The following MAD1L1 variants were observed in gnomAD, a reference collection of about 807,000 sequenced individuals.
The protein encoded by MAD1L1 is mitotic arrest deficient 1 like 1.
MAD1L1 carries 95 observed loss-of-function variants against 96.9 expected under a neutral mutation model. The ratio of observed to expected loss-of-function variants is 0.98; its 90% confidence interval spans 0.83 to 1.16. The LOEUF is 1.16. MAD1L1 is among the 50% of genes most tolerant of loss of function. The pLI is 0.00. For synonymous variants in MAD1L1, 473 were observed against 396.6 expected, an observed-to-expected ratio of 1.19 and a Z score of -2.29; for missense variants, 1,007 against 954.4, an observed-to-expected ratio of 1.06 and a Z score of -0.73.
Position 2,024,131 on chromosome 7 carries a change from G to A in MAD1L1, c.1219-9489C>T, listed in dbSNP as rs536903045. 3.3e-5 allele frequency among the ~76,000 whole-genome samples: 5 copies of A among 150,446 alleles called. 1 individual carries two copies. The South Asian group carries it at 8.4e-4, about 25-fold the overall frequency. On this transcript the variant is annotated intron_variant, in intron 12 of 18. Coordinates refer to ENST00000265854, the MANE Select transcript of MAD1L1 (RefSeq NM_001013836.2). The stretch of plus-strand genomic sequence containing the variant: ...ATTAAAAAAAAAAAATAAAAAAAAG[G>A]AAGACACAAATTACTAACATCAGAA...
chr7:2,072,418 C>T (rs2128531796), intron 11 of MAD1L1, among the ~76,000 whole-genome samples: 1 of 152,352 alleles, frequency 6.6e-6, no homozygotes, highest in Middle Eastern at 3.4e-3. Context: ...CCAGCGGCCC[C>T]CCTGCCCCCT....
At chr7:1,902,690 G>A (rs1388205689) in intron 17 of MAD1L1, among the ~76,000 whole-genome samples, 1 of 152,158 alleles carries the variant, frequency 6.6e-6, no homozygotes. Context: ...ACCGTCTCAG[G>A]CTCCAGCCTC....
rs546797436 is a variant in MAD1L1, at chr7:2,146,137, C to T, written c.1073+3015G>A. ...AGCCAAGCTCCTGAAAACAGGCACA[C>T]GAATGACCCAGCCGTCACTTCAGAA... On this transcript the variant is annotated intron_variant, in intron 11 of 18. Transcript: ENST00000265854. This position sits in a 1 kb window ranked among gnomAD's most constrained non-coding sequence, Gnocchi z 6.2. Among the ~76,000 whole-genome samples, 6 of 152,204 alleles carry T rather than the reference C, an allele frequency of 3.9e-5. No homozygotes were observed. Among genetic ancestry groups the T allele is most frequent in the South Asian group, 2.1e-4 (1 of 4,832 alleles).
intron 18 of MAD1L1, among the ~76,000 whole-genome samples, chr7:1,877,172 G>A (rs1003376025): frequency 6.6e-6 from 1 of 152,032 alleles, no homozygotes; most frequent in Non-Finnish European, 1.5e-5. Flanking sequence ...GACTGACATA[G>A]AGCTGGGGTC....
rs147935613 is a variant in MAD1L1 at position 1,824,061 on chromosome 7, G to C, written c.1999-7833C>G. ...ATGGGGTGTCCTGCAGCTGGGTCCTGACCGGGGGCTGCTCCCTCTCCTGGG... is the reference window on the plus strand; with the variant it reads ...ATGGGGTGTCCTGCAGCTGGGTCCTCACCGGGGGCTGCTCCCTCTCCTGGG... On this transcript the variant is annotated intron_variant, in intron 18 of 18. Transcript: ENST00000265854. 6.9e-3 allele frequency among the ~76,000 whole-genome samples: 1,050 copies of C among 152,290 alleles called. 9 individuals carry two copies. The highest frequency in any genetic ancestry group is 0.011 in the Non-Finnish European group (723 of 68,024).
At chr7:2,232,002 G>A (rs1194331139) in intron 1 of MAD1L1, among the ~76,000 whole-genome samples, 1 of 152,154 alleles carries the variant, frequency 6.6e-6, no homozygotes, top group Non-Finnish European at 1.5e-5. Flanking sequence ...ACAGATTCTA[G>A]AGATGATGAA....
Position 2,002,068 on chromosome 7 carries a change from G to C in MAD1L1, c.1413C>G (p.Asp471Glu). 6.2e-7 allele frequency: 1 copy of C among 1,613,282 alleles called. No homozygotes were observed. Among genetic ancestry groups the C allele is most frequent in the African/African-American group, 1.3e-5 (1 of 75,064 alleles). The part of the protein sequence containing the change: ...EELGGQKQRA[D>E]MLEMELKMLK... ...GCCACTCCCGCGTCTGACTCACCAT[G>C]TCTGCTCTTTGTTTCTGGCCTCCCA... is the stretch of plus-strand genomic sequence containing the variant. Residue 471 changes from aspartate to glutamate, a missense_variant, in exon 14 of 19, where the codon GAC (aspartate) becomes GAG (glutamate). By Grantham distance (45) the Asp-to-Glu change is conservative (BLOSUM62 2). Transcript: ENST00000265854.
chr7:2,188,995 C>T (rs890946582), intron 10 of MAD1L1, among the ~76,000 whole-genome samples: 10 of 151,992 alleles, frequency 6.6e-5, no homozygotes, highest in South Asian at 4.1e-4. Context: ...GAAAATAACG[C>T]GATTCAAGAA....
intron 10 of MAD1L1, among the ~76,000 whole-genome samples, chr7:2,169,497 A>G (rs1051528256): frequency 6.6e-6 from 1 of 152,256 alleles, no homozygotes; most frequent in Non-Finnish European, 1.5e-5. Context: ...CCAAAAAGGC[A>G]TAGGAAAAAA....
At chr7:2,025,914 TTAAGA>T (rs1782977053) in intron 12 of MAD1L1, among the ~76,000 whole-genome samples, 1 of 152,136 alleles carries the variant, frequency 6.6e-6, no homozygotes, top group East Asian at 1.9e-4. Context: ...TATTCTACGA[TTAAGA>T]TGTTTTCATA....
chr7:2,039,706 TTTTG>T (rs1274810046), intron 12 of MAD1L1, among the ~76,000 whole-genome samples: 1 of 152,216 alleles, frequency 6.6e-6, no homozygotes, highest in Non-Finnish European at 1.5e-5. Flanking sequence ...GGTGTGTCTG[TTTTG>T]TTTTTCTATT....
chr7:2,105,340 G>A (rs1787032655), intron 11 of MAD1L1, among the ~76,000 whole-genome samples: 1 of 151,920 alleles, frequency 6.6e-6, no homozygotes, highest in Non-Finnish European at 1.5e-5. Flanking sequence ...GAGCAGGGGA[G>A]GAAGGCCACT....
chr7:1,855,030 C>T (rs908593939), intron 18 of MAD1L1, among the ~76,000 whole-genome samples: 5 of 152,198 alleles, frequency 3.3e-5, no homozygotes, highest in East Asian at 3.9e-4. Context: ...ACGTGGGCTG[C>T]GGTCCCCTCT....
rs1053986021 is a variant in MAD1L1 at position 2,155,175 on chromosome 7, A to G, written c.987-5937T>C. Among the ~76,000 whole-genome samples, 3 of 152,274 alleles carry G rather than the reference A, an allele frequency of 2.0e-5. No individual in the cohort carries two copies. The East Asian group carries it at 5.8e-4, about 29-fold the overall frequency. Reference sequence around the variant, plus strand: ...AAAGGACGAGGCTAAGAGAGCGAGCAAAGGGGGGTCCTCAGGCCTGACCTG... The same window carrying G: ...AAAGGACGAGGCTAAGAGAGCGAGCGAAGGGGGGTCCTCAGGCCTGACCTG... On this transcript the variant is annotated intron_variant, in intron 10 of 18. Transcript: ENST00000265854.
chr7:1,884,878 G>A (rs1259203984), intron 18 of MAD1L1, among the ~76,000 whole-genome samples: 1 of 152,242 alleles, frequency 6.6e-6, no homozygotes, highest in East Asian at 1.9e-4. Context: ...GGGGGCAGAG[G>A]GCATTCTGCA....
In MAD1L1 at chr7:1,896,958, G is replaced by A. The variant is rs923318009; in HGVS notation, c.1998+1242C>T. On this transcript the variant is annotated intron_variant, in intron 18 of 18. Coordinates refer to ENST00000265854, the MANE Select transcript of MAD1L1 (RefSeq NM_001013836.2). ...AAAGTATACAGAATTATACAAAAGC[G>A]AAGAAGTACATTTCTGATAGCTTAA... Among the ~76,000 whole-genome samples the A allele has an allele frequency of 8.5e-5, 13 of 152,244 alleles. 1 individual carries two copies. Among genetic ancestry groups the A allele is most frequent in the Admixed American group, 7.8e-4 (12 of 15,288 alleles).
chr7:1,915,625 A>G (rs545844655), intron 17 of MAD1L1, among the ~76,000 whole-genome samples: 1 of 152,328 alleles, frequency 6.6e-6, no homozygotes, highest in East Asian at 1.9e-4. Context: ...GGTACAAGCA[A>G]ATGTGTCGCC....
chr7:2,022,089 G>A (rs1334741633), intron 12 of MAD1L1, among the ~76,000 whole-genome samples: 7 of 152,092 alleles, frequency 4.6e-5, no homozygotes, highest in Non-Finnish European at 4.4e-5. Flanking sequence ...CCAAGTCGCT[G>A]GGACTGCAGC....
At chr7:2,039,248 C>T (rs1562628674) in intron 12 of MAD1L1, among the ~76,000 whole-genome samples, 1 of 152,190 alleles carries the variant, frequency 6.6e-6, no homozygotes, top group Non-Finnish European at 1.5e-5. Context: ...GAGGCACTAC[C>T]GTTGTTTAAC....
Sources: gnomAD v4.1 joint callset for allele counts (sites outside exome capture counted in the v4.1 genomes callset) on GRCh38, gnomAD v4.1.1 for gene constraint, Gnocchi (gnomAD v3.1) non-coding constraint, MANE v1.5 for transcripts, NCBI Gene and HGNC (gene_info 2026-07-23, HGNC 2026-07-21) for gene names.